PLA2G6: variants seen among roughly 807,000 people sequenced by gnomAD.
The protein encoded by PLA2G6 is 85/88 kDa calcium-independent phospholipase A2.
A neutral mutation model predicts 83.8 loss-of-function variants in PLA2G6; 62 were observed. The observed-to-expected ratio is 0.74, with a 90% CI of 0.60 to 0.91. The LOEUF is 0.91. Ranked by LOEUF, PLA2G6 falls within the 40% of genes least tolerant of loss-of-function variation. PLA2G6 has a pLI of 0.00. For synonymous variants in PLA2G6, 417 were observed against 449.8 expected, an observed-to-expected ratio of 0.93 and a Z score of 0.92; for missense variants, 944 against 1,102.0, an observed-to-expected ratio of 0.86 and a Z score of 2.03.
chr22:38,112,946 G>T, intron 15 of PLA2G6: 1 of 399,150 alleles, frequency 2.5e-6, no homozygotes, highest in Non-Finnish European at 4.7e-6. Flanking sequence ...TCCTTCTGTT[G>T]CTCAGGCTGG....
chr22:38,129,395 C>T (rs772304837), intron 8 of PLA2G6, 59 bp downstream of exon 8: 37 of 1,186,646 alleles, frequency 3.1e-5, no homozygotes, highest in Admixed American at 5.1e-5. Context: ...CCCTCCTCCT[C>T]GGTCCCTGTA....
At chr22:38,142,756 C>T (rs6001021) in intron 4 of PLA2G6, 9,989 of 382,000 alleles carry the variant, frequency 0.026, 893 homozygotes, top group African/African-American at 0.19. Flanking sequence ...GCCCAGGTCC[C>T]GCTGGCCCAC....
At position 38,148,859 on chromosome 22, in the gene PLA2G6, CTTTTTTTTTTTT is replaced by C. The variant is rs200966258; in HGVS notation, c.210-3218_210-3207del. ...CATCAAACTAGGCTCTAGATTATTT[CTTTTTTTTTTTT>C]TTTTTTTTTTTTTGAGACGGAGTCT... On this transcript the variant is annotated intron_variant, in intron 2 of 16. Transcript: ENST00000332509. The C allele has an allele frequency of 2.9e-3, 446 of 152,578 alleles. 6 individuals are homozygous for C. Among genetic ancestry groups the C allele is most frequent in the African/African-American group, 0.014 (422 of 29,140 alleles). 9.5% of individuals were successfully genotyped at this position (152,578 alleles called of 1,614,324 possible).
At chr22:38,137,725 T>C (rs2018663) in intron 5 of PLA2G6, 44,526 of 152,160 alleles carry the variant, frequency 0.29, 7,262 homozygotes, top group South Asian at 0.42. Flanking sequence ...TCCCAGCTCC[T>C]TGGGAGGCTG....
At chr22:38,145,834 C>T (rs1177611819) in intron 2 of PLA2G6, 181 bp from the exon 3 acceptor site, 6 of 627,076 alleles carry the variant, frequency 9.6e-6, no homozygotes, top group African/African-American at 1.9e-5. Context: ...CACACACACA[C>T]CCCTATACAC....
Position 38,113,631 on chromosome 22 carries a change from T to G in PLA2G6, c.2058A>C (p.Lys686Asn), listed in dbSNP as rs1602057045. 6.2e-7 allele frequency: 1 copy of G among 1,612,980 alleles called. No individual in the cohort carries two copies. The highest frequency in any genetic ancestry group is 1.7e-5 in the Admixed American group (1 of 59,930). Reference protein sequence around the residue: ...IRKGQANKVKKLSIVVSLGTG... With the variant: ...IRKGQANKVKNLSIVVSLGTG... ...TCCCCAGGGAGACAACGATGGAGAG[T>G]TTCTTCACCTTGTTGGCCTGACCCT... Residue 686 changes from lysine (K) to asparagine (N), a missense_variant, in exon 15 of 17, where the codon AAA (lysine) becomes AAC (asparagine). By Grantham distance (94) the Lys-to-Asn change is moderately conservative. Transcript: ENST00000332509.
At chr22:38,178,827 C>A (rs1034968035) in intron 1 of PLA2G6, among the ~76,000 whole-genome samples, 3 of 152,128 alleles carry the variant, frequency 2.0e-5, no homozygotes, top group African/African-American at 7.2e-5. Flanking sequence ...GATCGCACCA[C>A]TGCGCTCCAG....
chr22:38,161,021 T>G (rs2145895309), intron 2 of PLA2G6, among the ~76,000 whole-genome samples: 1 of 152,294 alleles, frequency 6.6e-6, no homozygotes, highest in South Asian at 2.1e-4. Flanking sequence ...ATATGTGTTA[T>G]ATTTTGCTAT....
intron 1 of PLA2G6, among the ~76,000 whole-genome samples, chr22:38,175,025 CT>C (rs923444841): frequency 2.6e-5 from 4 of 152,338 alleles, no homozygotes; most frequent in African/African-American, 9.6e-5. Flanking sequence ...TACGAATTCC[CT>C]GAAGGACCCT....
intron 2 of PLA2G6, among the ~76,000 whole-genome samples, chr22:38,151,570 C>T (rs149339064): frequency 5.8e-4 from 89 of 152,158 alleles, no homozygotes; most frequent in Middle Eastern, 3.4e-3. Flanking sequence ...GGAATGAACA[C>T]GATCCTAGAT....
intron 2 of PLA2G6, among the ~76,000 whole-genome samples, chr22:38,166,098 A>C (rs1414567880): frequency 6.6e-6 from 1 of 151,988 alleles, no homozygotes; most frequent in African/African-American, 2.4e-5. Context: ...GGGAGAAAGA[A>C]CCTCTGATTT....
Position 38,123,135 on chromosome 22 carries a change from G to A in PLA2G6, c.1551C>T (p.Gly517=). Reference sequence around the variant, plus strand: ...GGGCCAGGATGCCTCCAGTGCTGGTGCCCGCCACCCAGTCAAACAGGTCCT... The same window carrying A: ...GGGCCAGGATGCCTCCAGTGCTGGTACCCGCCACCCAGTCAAACAGGTCCT... The part of the protein sequence containing the change: ...ATKDLFDWVA[G]TSTGGILALA... The change falls in exon 11 of 17, where the codon GGC becomes GGT. Residue 517 remains glycine (G), a synonymous_variant. Coordinates refer to ENST00000332509, the MANE Select transcript of PLA2G6 (RefSeq NM_003560.4). This position sits in a 1 kb window ranked among gnomAD's most constrained non-coding sequence, Gnocchi z 4.1. 6.5e-7 allele frequency: 1 copy of A among 1,549,944 alleles called. No homozygotes were observed. Among genetic ancestry groups the A allele is most frequent in the South Asian group, 1.2e-5 (1 of 83,992 alleles).
Position 38,145,462 on chromosome 22 carries a change from C to G in PLA2G6, c.401G>C (p.Cys134Ser). ...CCTGATGATACGGCTGTGATGGAAG[C>G]ACTCGCGGATCCCTAGCTCCACAGC... is the stretch of plus-strand genomic sequence containing the variant. ...HLAVELGIRE[C>S]FHHSRIISCA... is the part of the protein sequence containing the mutation. The change falls in exon 3 of 17, where the codon TGC (cysteine) becomes TCC (serine). Residue 134 changes from cysteine to serine, a missense_variant. Cys to Ser is a moderately radical substitution (Grantham distance 112, BLOSUM62 -1). Transcript: ENST00000332509. 6.2e-7 allele frequency: 1 copy of G among 1,609,788 alleles called. No individual in the cohort carries two copies. Among genetic ancestry groups the G allele is most frequent in the Non-Finnish European group, 8.5e-7 (1 of 1,178,792 alleles).
intron 5 of PLA2G6, chr22:38,135,559 G>A: frequency 6.2e-6 from 1 of 162,016 alleles, no homozygotes; most frequent in Admixed American, 6.0e-5. Context: ...GACAGAGTGG[G>A]AAAGAGCACA....
At chr22:38,146,673 C>A (rs1320061300) in intron 2 of PLA2G6, 1 of 151,656 alleles carries the variant, frequency 6.6e-6, no homozygotes, top group African/African-American at 2.4e-5. Flanking sequence ...CCTAAATGTA[C>A]AGCAACAAAA....
intron 6 of PLA2G6, chr22:38,133,242 G>A (rs898262653): frequency 1.0e-5 from 6 of 590,218 alleles, no homozygotes; most frequent in Non-Finnish European, 1.8e-5. Flanking sequence ...TGTGCTGACT[G>A]TTTTAAGAGG....
At chr22:38,176,286 C>T (rs1336285386) in intron 1 of PLA2G6, among the ~76,000 whole-genome samples, 3 of 152,096 alleles carry the variant, frequency 2.0e-5, no homozygotes, top group African/African-American at 4.8e-5. Flanking sequence ...TTGACTAAGC[C>T]GAGAGCAGAG....
intron 10 of PLA2G6, among the ~76,000 whole-genome samples, chr22:38,124,287 C>CCTA (rs2087703460): frequency 6.6e-6 from 1 of 152,188 alleles, no homozygotes; most frequent in Non-Finnish European, 1.5e-5. Context: ...AGCCACTGCG[C>CCTA]CTACTCTCTG....
In PLA2G6 at chr22:38,162,836, G is replaced by A. The variant is rs532911707; in HGVS notation, c.209+6382C>T. ...GGAGAGAAAACTCTCAGGAGGCTGC[G>A]GGGCAAGCGGGTCCTTCAAGGAGAG... On this transcript the variant is annotated intron_variant, in intron 2 of 16. Transcript: ENST00000332509. Among the ~76,000 whole-genome samples the A allele has an allele frequency of 1.2e-4, 19 of 152,264 alleles. 1 individual carries two copies. The highest frequency in any genetic ancestry group is 9.7e-4 in the East Asian group (5 of 5,180).
Sources: gnomAD v4.1 joint callset for allele counts (sites outside exome capture counted in the v4.1 genomes callset) on GRCh38, gnomAD v4.1.1 for gene constraint, Gnocchi (gnomAD v3.1) non-coding constraint, MANE v1.5 for transcripts, NCBI Gene and HGNC (gene_info 2026-07-23, HGNC 2026-07-21) for gene names.